CFAP61: variants seen among roughly 807,000 people sequenced by gnomAD.
The protein encoded by CFAP61 is cilia and flagella associated protein 61, also known as cilia- and flagella-associated protein 61.
CFAP61 carries 107 observed loss-of-function variants against 135.6 expected under a neutral mutation model. The ratio of observed to expected loss-of-function variants is 0.79; its 90% CI spans 0.67 to 0.93. The LOEUF (loss-of-function observed/expected upper bound fraction) is 0.93. Among genes scored for constraint, CFAP61 ranks in the 40% least tolerant of loss-of-function variants. The pLI, the probability that CFAP61 is intolerant of heterozygous loss-of-function variation, is 0.00. For missense variants in CFAP61, 1,507 were observed against 1,556.2 expected (o/e 0.97, Z 0.53); for synonymous variants, 575 against 578.5 (o/e 0.99, Z 0.09).
intron 9 of CFAP61, among the ~76,000 whole-genome samples, chr20:20,147,823 C>T (rs776875524): frequency 2.6e-5 from 4 of 151,994 alleles, no homozygotes; most frequent in Non-Finnish European, 5.9e-5. Context: ...AATTCTTTGC[C>T]TAAGCAAATG....
intron 25 of CFAP61, among the ~76,000 whole-genome samples, chr20:20,336,861 G>A (rs1023412988): frequency 6.6e-5 from 10 of 152,186 alleles, no homozygotes; most frequent in Non-Finnish European, 1.5e-4. Context: ...GCCCTGCCAT[G>A]CCAGGCCATC....
chr20:20,071,694 G>T, intron 3 of CFAP61, among the ~76,000 whole-genome samples: 1 of 152,170 alleles, frequency 6.6e-6, no homozygotes, highest in East Asian at 1.9e-4. Context: ...CAGAAGAAAA[G>T]GGAATGCCCA....
intron 26 of CFAP61, among the ~76,000 whole-genome samples, chr20:20,348,341 G>A (rs1358887365): frequency 6.6e-6 from 1 of 152,146 alleles, no homozygotes; most frequent in East Asian, 1.9e-4. Context: ...CCCCAGGAAT[G>A]TAAGGGTAGT....
chr20:20,186,471 T>A (rs929808649), intron 13 of CFAP61, among the ~76,000 whole-genome samples: 1 of 152,216 alleles, frequency 6.6e-6, no homozygotes, highest in Non-Finnish European at 1.5e-5. Context: ...TGAATAATGC[T>A]GCTATGAAAA....
At chr20:20,358,669 T>C (rs1048602817) in intron 26 of CFAP61, among the ~76,000 whole-genome samples, 7 of 152,216 alleles carry the variant, frequency 4.6e-5, no homozygotes, top group Non-Finnish European at 7.3e-5. Flanking sequence ...TAAATCTGAA[T>C]TCCTGCAACC....
intron 25 of CFAP61, among the ~76,000 whole-genome samples, chr20:20,336,366 C>T (rs1156327500): frequency 6.6e-6 from 1 of 152,052 alleles, no homozygotes; most frequent in Admixed American, 6.6e-5. Flanking sequence ...TTGGGCCAGG[C>T]CTGGTGCCTG....
chr20:20,301,703 G>A (rs1569269411), intron 25 of CFAP61, among the ~76,000 whole-genome samples: 1 of 152,148 alleles, frequency 6.6e-6, no homozygotes, highest in East Asian at 1.9e-4. Flanking sequence ...ACGGAGCAGG[G>A]CTGTCTTCTC....
rs111446624 is a variant in CFAP61, at chr20:20,142,197, G to A, written c.860-660G>A. ...AATTTTTAGTAAAGGTTAAATACAT[G>A]AAGCCTAAGCTACCCTGATTATTGA... is the stretch of plus-strand genomic sequence containing the variant. On this transcript the variant is annotated intron_variant, in intron 8 of 26. Coordinates refer to ENST00000245957, the MANE Select transcript of CFAP61 (RefSeq NM_015585.4). 3.5e-3 allele frequency among the ~76,000 whole-genome samples: 536 copies of A among 152,282 alleles called. 1 individual carries two copies. The highest frequency in any genetic ancestry group is 6.3e-3 in the Non-Finnish European group (429 of 68,010).
intron 15 of CFAP61, among the ~76,000 whole-genome samples, chr20:20,194,459 C>G (rs1198406599): frequency 3.3e-5 from 5 of 152,168 alleles, no homozygotes; most frequent in African/African-American, 1.2e-4. Flanking sequence ...TGAGTATACT[C>G]TGTAGAATTT....
chr20:20,342,836 AGGGGTT>A (rs2058494543), intron 26 of CFAP61, among the ~76,000 whole-genome samples: 1 of 151,658 alleles, frequency 6.6e-6, no homozygotes, highest in Non-Finnish European at 1.5e-5. Flanking sequence ...TGAAGTTTAG[AGGGGTT>A]TTTGGAGTTT....
At chr20:20,353,606 C>T (rs1369765877) in intron 26 of CFAP61, among the ~76,000 whole-genome samples, 7 of 152,122 alleles carry the variant, frequency 4.6e-5, no homozygotes, top group Admixed American at 1.3e-4. Context: ...AATATGCTGT[C>T]GGAACTTCAC....
intron 6 of CFAP61, among the ~76,000 whole-genome samples, chr20:20,081,674 A>G (rs78209860): frequency 0.047 from 7,132 of 151,890 alleles, 557 homozygotes; most frequent in African/African-American, 0.16. Context: ...CTTTTCTTCC[A>G]TTTTTCTCTT....
At chr20:20,217,493 G>A (rs899860322) in intron 17 of CFAP61, among the ~76,000 whole-genome samples, 26 of 152,216 alleles carry the variant, frequency 1.7e-4, no homozygotes, top group Admixed American at 4.6e-4. Context: ...TGAAAATGGT[G>A]GCAAGATAGC....
chr20:20,352,784 A>AT, intron 26 of CFAP61, among the ~76,000 whole-genome samples: 1 of 152,314 alleles, frequency 6.6e-6, no homozygotes, highest in East Asian at 1.9e-4. Context: ...CTCAGAAAGG[A>AT]TTTTTTTGGA....
At chr20:20,299,700 C>T (rs1189089699) in intron 25 of CFAP61, among the ~76,000 whole-genome samples, 1 of 152,176 alleles carries the variant, frequency 6.6e-6, no homozygotes. Context: ...TGAGAACCAT[C>T]CAGGATGATG....
intron 20 of CFAP61, chr20:20,253,625 C>G: frequency 2.1e-6 from 1 of 475,982 alleles, no homozygotes; most frequent in South Asian, 1.6e-5. Context: ...GTGTCCAGTC[C>G]CACTGTTTGG....
chr20:20,269,939 T>G (rs1317340834), intron 21 of CFAP61, among the ~76,000 whole-genome samples: 1 of 152,152 alleles, frequency 6.6e-6, no homozygotes, highest in Non-Finnish European at 1.5e-5. Context: ...AACCTCTCTG[T>G]ACCTTATTTT....
At chr20:20,155,841 C>T (rs2052856705) in intron 9 of CFAP61, among the ~76,000 whole-genome samples, 2 of 152,100 alleles carry the variant, frequency 1.3e-5, no homozygotes, top group African/African-American at 4.8e-5. Context: ...CTAGTACAAG[C>T]ACTATCGAAA....
chr20:20,317,340 C>T (rs1260826299), intron 25 of CFAP61, among the ~76,000 whole-genome samples: 1 of 152,158 alleles, frequency 6.6e-6, no homozygotes, highest in Non-Finnish European at 1.5e-5. Context: ...CTGGGCTGCA[C>T]AGCTCCTCTC....
Sources: gnomAD v4.1 joint callset for allele counts (sites outside exome capture counted in the v4.1 genomes callset) on GRCh38, gnomAD v4.1.1 for gene constraint, MANE v1.5 for transcripts, NCBI Gene and HGNC (gene_info 2026-07-23, HGNC 2026-07-21) for gene names.